The following KIF1A variants were observed in gnomAD, a reference collection of about 807,000 sequenced individuals.
KIF1A encodes the protein kinesin family member 1A.
In KIF1A, 46 loss-of-function variants were observed where a neutral mutation model predicts 227.3. That is an observed-to-expected ratio of 0.20 (90% CI 0.16 to 0.26). KIF1A has a LOEUF of 0.26. Ranked by LOEUF, KIF1A falls within the 10% of genes least tolerant of loss-of-function variation. The probability of loss-of-function intolerance (pLI) is 1.00; values close to 1 mark genes in which losing one functional copy is unlikely to be tolerated. For missense variants in KIF1A, 1,683 were observed against 2,485.9 expected, an observed-to-expected ratio of 0.68 and a Z score of 6.87; for synonymous variants, 1,022 against 1,012.8, an observed-to-expected ratio of 1.01 and a Z score of -0.17.
At chr2:240,748,691 C>T in intron 28 of KIF1A, 1 of 335,040 alleles carries the variant, frequency 3.0e-6, no homozygotes, top group Non-Finnish European at 6.3e-6. Flanking sequence ...TGGGGCCCTT[C>T]CCTGGTGTTC....
chr2:240,777,378 G>GT (rs1295334327), intron 10 of KIF1A, among the ~76,000 whole-genome samples: 1 of 152,138 alleles, frequency 6.6e-6, no homozygotes, highest in Non-Finnish European at 1.5e-5. Context: ...ATTCCTGAGG[G>GT]TGAATTCTCT....
In KIF1A at chr2:240,719,180, C is replaced by T; in HGVS notation, c.5040G>A (p.Lys1680=). 6.2e-7 allele frequency: 1 copy of T among 1,606,346 alleles called. No individual in the cohort carries two copies. The highest frequency in any genetic ancestry group is 2.2e-5 in the East Asian group (1 of 44,530). ...GCGGCTCCAGGAAGTGCAGGTACCC[C>T]TTCTTGGAAACGATCGGGCTGAAGG... ...EIRVSPIVSK[K]GYLHFLEPHT... The change falls in exon 47 of 49, where the codon AAG becomes AAA. Residue 1680 remains lysine (K), a synonymous_variant. Coordinates refer to ENST00000498729, the MANE Select transcript of KIF1A (RefSeq NM_001244008.2).
chr2:240,782,910 G>C, intron 9 of KIF1A, 134 bp downstream of exon 9: 1 of 782,028 alleles, frequency 1.3e-6, no homozygotes, highest in South Asian at 1.4e-5. Context: ...GTGACACTCT[G>C]GCCATCTCCG....
Position 240,792,212 on chromosome 2 carries a change from T to C in KIF1A, c.107-2900A>G, listed in dbSNP as rs1179546052. Among the ~76,000 whole-genome samples, 1 of 152,128 alleles carries C rather than the reference T, an allele frequency of 6.6e-6. No homozygotes were observed. The highest frequency in any genetic ancestry group is 1.5e-5 in the Non-Finnish European group (1 of 68,010). On this transcript the variant is annotated intron_variant, in intron 2 of 48. Coordinates refer to ENST00000498729, the MANE Select transcript of KIF1A (RefSeq NM_001244008.2). The surrounding 1 kb of genome is among the most constrained non-coding windows in gnomAD (Gnocchi z 4.5). ...CCTGTGGAGACAGGCAGCCCCTCCT[T>C]CAGCAGCCTGCTTCTCACAGAGACC... is the stretch of plus-strand genomic sequence containing the variant.
chr2:240,801,460 G>A (rs544274041), intron 1 of KIF1A, among the ~76,000 whole-genome samples: 3 of 152,248 alleles, frequency 2.0e-5, no homozygotes, highest in African/African-American at 7.2e-5. Flanking sequence ...AAAAAGAATA[G>A]GAAATATAGA....
rs1273482674 is a variant in KIF1A at position 240,789,546 on chromosome 2, G to A, written c.107-234C>T. ...TCCAAGGGTACCACCATACCAGCCT[G>A]CAAGGCTCTGTGTCATTCTCCCGCC... is the stretch of plus-strand genomic sequence containing the variant. On this transcript the variant is annotated intron_variant, in intron 2 of 48. Coordinates refer to ENST00000498729, the MANE Select transcript of KIF1A (RefSeq NM_001244008.2). This position sits in a 1 kb window ranked among gnomAD's most constrained non-coding sequence, Gnocchi z 4.8. Among the ~76,000 whole-genome samples, 3 of 152,166 alleles carry A rather than the reference G, an allele frequency of 2.0e-5. No individual in the cohort carries two copies. Among genetic ancestry groups the A allele is most frequent in the African/African-American group, 7.2e-5 (3 of 41,442 alleles).
In KIF1A at chr2:240,779,591, T is replaced by G. The variant is rs540183561; in HGVS notation, c.882+2999A>C. Among the ~76,000 whole-genome samples, 180 of 144,690 alleles carry G rather than the reference T, an allele frequency of 1.2e-3. 1 individual carries two copies. The highest frequency in any genetic ancestry group is 1.2e-4 in the Non-Finnish European group (8 of 66,944). The allele number at this position is 144,690 out of a possible 152,430, so 94.9% of individuals were successfully genotyped here. A position where few individuals can be genotyped will look rare whatever the true frequency, so the allele number is the denominator to read the frequency against. On this transcript the variant is annotated intron_variant, in intron 10 of 48. Coordinates refer to ENST00000498729, the MANE Select transcript of KIF1A (RefSeq NM_001244008.2). ...TCAGTTCCTCAGTTCCTCACTCAGT[T>G]CCACACTCAGTTCCTCACAGTTCCT... is the stretch of plus-strand genomic sequence containing the variant.
At position 240,793,230 on chromosome 2, in the gene KIF1A, G is replaced by C. The variant is rs757559753; in HGVS notation, c.107-3918C>G. ...TCCAGATCCCCATCTGTGGGCAAGG[G>C]CAGAGATGAGAGGCCACCCAAACCC... On this transcript the variant is annotated intron_variant, in intron 2 of 48. Coordinates refer to ENST00000498729, the MANE Select transcript of KIF1A (RefSeq NM_001244008.2). This position sits in a 1 kb window ranked among gnomAD's most constrained non-coding sequence, Gnocchi z 4.8. 1.3e-5 allele frequency among the ~76,000 whole-genome samples: 2 copies of C among 152,192 alleles called. No individual in the cohort carries two copies. The highest frequency in any genetic ancestry group is 2.9e-5 in the Non-Finnish European group (2 of 68,030).
At chr2:240,801,267 T>C (rs1240132290) in intron 1 of KIF1A, among the ~76,000 whole-genome samples, 1 of 151,012 alleles carries the variant, frequency 6.6e-6, no homozygotes, top group Non-Finnish European at 1.5e-5. Context: ...GGACAGAGAA[T>C]ATAAATGGAA....
intron 10 of KIF1A, among the ~76,000 whole-genome samples, chr2:240,779,545 T>TCCCTCACTC: frequency 7.1e-6 from 1 of 141,614 alleles, no homozygotes; most frequent in African/African-American, 2.7e-5. Context: ...CAGTTCCTCA[T>TCCCTCACTC]AGTTCCACTC....
Position 240,740,087 on chromosome 2 carries a change from C to T in KIF1A, c.3872G>A (p.Arg1291His), listed in dbSNP as rs201653410. The T allele has an allele frequency of 1.4e-5, 23 of 1,590,148 alleles. No homozygotes were observed. Among genetic ancestry groups the T allele is most frequent in the East Asian group, 9.2e-5 (4 of 43,374 alleles). Residue 1291 changes from arginine (R) to histidine (H), a missense_variant, in exon 37 of 49, where the codon CGC (arginine) becomes CAC (histidine). Around this residue, in one of 12 missense-constraint regions of KIF1A, gnomAD observed 759 missense variants for 1,020.2 expected, o/e 0.74. Coordinates refer to ENST00000498729, the MANE Select transcript of KIF1A (RefSeq NM_001244008.2). The surrounding 1 kb of genome is among the most constrained non-coding windows in gnomAD (Gnocchi z 6.1). ...TLLHETGSHI[R>H]WKEVRELVVG... ...GACCAGCTCGCGCACTTCCTTCCAG[C>T]GGATATGGCTGCCTGTCTCATGCAG...
At chr2:240,718,319 C>T (rs967080280) in intron 47 of KIF1A, among the ~76,000 whole-genome samples, 151 bp from the exon 48 acceptor site, 1 of 152,186 alleles carries the variant, frequency 6.6e-6, no homozygotes, top group Non-Finnish European at 1.5e-5. Flanking sequence ...GGAAGGCTGA[C>T]CCAGCCAGGG....
chr2:240,814,222 C>CGGGGA (rs2058159497), intron 1 of KIF1A, among the ~76,000 whole-genome samples: 1 of 152,002 alleles, frequency 6.6e-6, no homozygotes, highest in Non-Finnish European at 1.5e-5. Context: ...TAAATGCGAA[C>CGGGGA]CCCATCCTTA....
At chr2:240,732,283 G>A (rs1315932904) in intron 38 of KIF1A, among the ~76,000 whole-genome samples, 4 of 122,238 alleles carry the variant, frequency 3.3e-5, no homozygotes, top group African/African-American at 1.5e-4. Context: ...AGGGAGAAGG[G>A]GATCAGGGGA....
At chr2:240,727,128 T>C (rs1277819624) in intron 38 of KIF1A, among the ~76,000 whole-genome samples, 188 bp from the exon 39 acceptor site, 1 of 151,894 alleles carries the variant, frequency 6.6e-6, no homozygotes, top group African/African-American at 2.4e-5. Context: ...ACCCAGAGAG[T>C]AGGGTCTCTT....
chr2:240,717,809 C>A (rs1371167912), intron 48 of KIF1A, among the ~76,000 whole-genome samples: 1 of 152,240 alleles, frequency 6.6e-6, no homozygotes, highest in African/African-American at 2.4e-5. Context: ...TGAGGGCAGG[C>A]CGCGCTGCCT....
intron 40 of KIF1A, chr2:240,724,267 G>A (rs2045733285): frequency 1.7e-6 from 1 of 575,918 alleles, no homozygotes; most frequent in South Asian, 2.0e-5. Flanking sequence ...CCATGGGGCT[G>A]TGACGTGAGG....
rs55923453 is a variant in KIF1A at position 240,737,512 on chromosome 2, G to T, written c.3902-344C>A. ...CAAGACACAGAGGAGGAATGTTCCT[G>T]CTTCTTCTTACACCAAAAAGTCATG... is the stretch of plus-strand genomic sequence containing the variant. On this transcript the variant is annotated intron_variant, in intron 37 of 48. Transcript: ENST00000498729. 0.11 allele frequency: 15,181 copies of T among 141,230 alleles called. 932 individuals are homozygous for T. Among genetic ancestry groups the T allele is most frequent in the East Asian group, 0.22 (1,016 of 4,520 alleles). The allele number at this position is 141,230 out of a possible 1,614,324, so 8.7% of individuals were successfully genotyped here. A position where few individuals can be genotyped will look rare whatever the true frequency, so the allele number is the denominator to read the frequency against.
chr2:240,731,918 AGGG>A (rs1454246956), intron 38 of KIF1A, among the ~76,000 whole-genome samples: 3 of 24,730 alleles, frequency 1.2e-4, no homozygotes, highest in East Asian at 1.2e-3. Context: ...GGAGGGGAGG[AGGG>A]GAGGAGGGAT....
Sources: allele counts gnomAD v4.1 joint callset (sites outside exome capture counted in the v4.1 genomes callset), GRCh38; gene constraint gnomAD v4.1.1; regional missense constraint gnomAD v4.1.1; non-coding constraint Gnocchi (gnomAD v3.1); transcripts MANE v1.5; gene names NCBI Gene and HGNC (gene_info 2026-07-23, HGNC 2026-07-21).